WDFY4: variants seen among roughly 807,000 people sequenced by gnomAD.
The protein encoded by WDFY4 is WDFY family member 4.
A neutral mutation model predicts 351.9 loss-of-function variants in WDFY4; 169 were observed. The observed-to-expected ratio is 0.48, with a 90% CI of 0.42 to 0.55. The LOEUF (loss-of-function observed/expected upper bound fraction) is 0.55, where lower values mean the gene tolerates loss of function less well. Ranked by LOEUF, WDFY4 falls within the 20% of genes least tolerant of loss-of-function variation. The pLI is 0.00. For missense variants in WDFY4, 3,803 were observed against 3,935.6 expected (o/e 0.97, Z 0.90); for synonymous variants, 1,622 against 1,574.6 (o/e 1.03, Z -0.71).
intron 39 of WDFY4, among the ~76,000 whole-genome samples, chr10:48,860,769 A>G (rs1353515135): frequency 6.6e-6 from 1 of 152,144 alleles, no homozygotes; most frequent in Non-Finnish European, 1.5e-5. Context: ...ATTTATTTTG[A>G]GACTTCTTTT....
intron 9 of WDFY4, among the ~76,000 whole-genome samples, chr10:48,732,685 GT>G (rs1166488746): frequency 6.6e-6 from 1 of 152,238 alleles, no homozygotes; most frequent in Admixed American, 6.5e-5. Context: ...TCATTGGAAT[GT>G]TGTGAGATTT....
At chr10:48,699,680 A>C (rs918367478) in intron 1 of WDFY4, among the ~76,000 whole-genome samples, 1 of 152,166 alleles carries the variant, frequency 6.6e-6, no homozygotes, top group African/African-American at 2.4e-5. Flanking sequence ...CCTGCCACAC[A>C]CTAAGCTCCC....
chr10:48,764,850 A>G (rs2065618833), intron 13 of WDFY4, among the ~76,000 whole-genome samples: 1 of 152,246 alleles, frequency 6.6e-6, no homozygotes, highest in African/African-American at 2.4e-5. Flanking sequence ...GAAGATAGTA[A>G]AACAACATCC....
At position 48,938,272 on chromosome 10, in the gene WDFY4, A is replaced by G. The variant is rs1282354331; in HGVS notation, c.7587-3534A>G. Among the ~76,000 whole-genome samples the G allele has an allele frequency of 2.6e-5, 4 of 152,248 alleles. No homozygotes were observed. In the South Asian group the frequency reaches 8.3e-4, roughly 32 times the overall value. Reference sequence around the variant, plus strand: ...CTGCATTAGCTCGGGGTCCCAGGTTAACCTGCAGGCCCTCTGTAGTTGTCT... The same window carrying G: ...CTGCATTAGCTCGGGGTCCCAGGTTGACCTGCAGGCCCTCTGTAGTTGTCT... On this transcript the variant is annotated intron_variant, in intron 47 of 61. Coordinates refer to ENST00000325239, the MANE Select transcript of WDFY4 (RefSeq NM_001394531.1).
At chr10:48,836,850 A>G (rs555435382) in intron 39 of WDFY4, among the ~76,000 whole-genome samples, 2 of 152,244 alleles carry the variant, frequency 1.3e-5, no homozygotes, top group African/African-American at 2.4e-5. Context: ...CATGTCCACC[A>G]TCTGCCTGGA....
chr10:48,751,973 C>G (rs1319616189), intron 12 of WDFY4, among the ~76,000 whole-genome samples: 2 of 152,160 alleles, frequency 1.3e-5, no homozygotes, highest in African/African-American at 4.8e-5. Context: ...CGCCTCACAC[C>G]ACCACTGGCT....
At position 48,963,886 on chromosome 10, in the gene WDFY4, A is replaced by G; in HGVS notation, c.8268A>G (p.Ile2756Met). 2 of 1,551,544 alleles carry G rather than the reference A, an allele frequency of 1.3e-6. No individual in the cohort carries two copies. The highest frequency in any genetic ancestry group is 1.7e-6 in the Non-Finnish European group (2 of 1,147,004). ...TCAGTGCCAACCTCCACCATTGGATAGACCTTATTTTTGGGTACAAGCAGC... is the reference window on the plus strand; with the variant it reads ...TCAGTGCCAACCTCCACCATTGGATGGACCTTATTTTTGGGTACAAGCAGC... ...DFVSANLHHW[I>M]DLIFGYKQQG... Residue 2756 changes from isoleucine (I) to methionine (M), a missense_variant, in exon 54 of 62, where the codon ATA (isoleucine) becomes ATG (methionine). Coordinates refer to ENST00000325239, the MANE Select transcript of WDFY4 (RefSeq NM_001394531.1).
intron 12 of WDFY4, among the ~76,000 whole-genome samples, chr10:48,752,370 T>C (rs2065210177): frequency 1.3e-5 from 2 of 152,250 alleles, no homozygotes; most frequent in Non-Finnish European, 2.9e-5. Context: ...TCTTTTACTT[T>C]AAAAAAATCT....
intron 47 of WDFY4, 74 bp from the exon 48 acceptor site, chr10:48,941,732 C>A: frequency 1.3e-6 from 2 of 1,498,350 alleles, no homozygotes; most frequent in Non-Finnish European, 1.8e-6. Flanking sequence ...GAAGCCCAGG[C>A]AAGCCCCACC....
intron 19 of WDFY4, among the ~76,000 whole-genome samples, chr10:48,785,290 C>T (rs2066369546): frequency 6.6e-6 from 1 of 152,050 alleles, no homozygotes; most frequent in South Asian, 2.1e-4. Flanking sequence ...ATAATTCCTC[C>T]TAGTCTGTAG....
At chr10:48,809,529 G>T (rs1321593386) in intron 28 of WDFY4, among the ~76,000 whole-genome samples, 2 of 134,404 alleles carry the variant, frequency 1.5e-5, no homozygotes, top group Admixed American at 7.3e-5. Context: ...ATCACCACCA[G>T]CATCACCATC....
intron 2 of WDFY4, among the ~76,000 whole-genome samples, chr10:48,712,233 G>A (rs892675353): frequency 6.6e-6 from 1 of 152,234 alleles, no homozygotes; most frequent in African/African-American, 2.4e-5. Context: ...TATCCATAAA[G>A]TAGAATTAAT....
In WDFY4 at chr10:48,877,189, ATAAAGAAAAGG is replaced by A; in HGVS notation, c.7161_7167+4del. 6.4e-7 allele frequency: 1 copy of A among 1,551,578 alleles called. No homozygotes were observed. ...CAAGTTATTTTACAAGAGCTTCTTG[ATAAAGAAAAGG>A]TAATATACCCCATTGCAATAGCCTT... On this transcript the variant is annotated splice_donor_variant and coding_sequence_variant, in exon 43 of 62. Coordinates refer to ENST00000325239, the MANE Select transcript of WDFY4 (RefSeq NM_001394531.1). LOFTEE classifies it high-confidence loss of function.
chr10:48,829,520 A>T (rs1342381906), intron 37 of WDFY4, among the ~76,000 whole-genome samples: 1 of 152,160 alleles, frequency 6.6e-6, no homozygotes, highest in African/African-American at 2.4e-5. Context: ...TGGTTTGCAG[A>T]CTGTTACACT....
In WDFY4 at chr10:48,953,329, T is replaced by TCA. The variant is rs780484513; in HGVS notation, c.7978-3799_7978-3798insAC. On this transcript the variant is annotated intron_variant, in intron 51 of 61. Transcript: ENST00000325239. ...CTCTCTCTCTCTCTCTCTCTCTCTCTCTCTCACACACACACACACACACAC... is the reference window on the plus strand; with the variant it reads ...CTCTCTCTCTCTCTCTCTCTCTCTCTCACTCTCACACACACACACACACACAC... Among the ~76,000 whole-genome samples, 357 of 87,574 alleles carry TCA rather than the reference T, an allele frequency of 4.1e-3. 1 individual carries two copies. The highest frequency in any genetic ancestry group is 0.01 in the African/African-American group (282 of 27,644). 57.5% of individuals were successfully genotyped at this position (87,574 alleles called of 152,430 possible).
At position 48,742,088 on chromosome 10, in the gene WDFY4, C is replaced by A. The variant is rs11101448; in HGVS notation, c.1879-880C>A. Among the ~76,000 whole-genome samples, 77 of 151,794 alleles carry A rather than the reference C, an allele frequency of 5.1e-4. 1 individual carries two copies. Among genetic ancestry groups the A allele is most frequent in the African/African-American group, 1.8e-3 (74 of 41,382 alleles). On this transcript the variant is annotated intron_variant, in intron 11 of 61. Coordinates refer to ENST00000325239, the MANE Select transcript of WDFY4 (RefSeq NM_001394531.1). ...CCCTCCTTCCTTCCAATAGCATGTACTGATTACCTAGAGTATATACCATGC... is the reference window on the plus strand; with the variant it reads ...CCCTCCTTCCTTCCAATAGCATGTAATGATTACCTAGAGTATATACCATGC...
chr10:48,738,880 C>A (rs1051437898), intron 11 of WDFY4, among the ~76,000 whole-genome samples: 6 of 152,206 alleles, frequency 3.9e-5, no homozygotes, highest in African/African-American at 1.4e-4. Flanking sequence ...ACTCTGCATC[C>A]CTTCCCTGTG....
chr10:48,965,275 A>T (rs1564534602), intron 54 of WDFY4, among the ~76,000 whole-genome samples: 1 of 152,106 alleles, frequency 6.6e-6, no homozygotes, highest in East Asian at 1.9e-4. Flanking sequence ...CTACTCAACA[A>T]TGTGTCATAG....
chr10:48,963,672 G>A (rs887615077), intron 53 of WDFY4, among the ~76,000 whole-genome samples, 170 bp from the exon 54 acceptor site: 2 of 152,136 alleles, frequency 1.3e-5, no homozygotes, highest in South Asian at 4.1e-4. Context: ...GGTGGCCCTC[G>A]GGTGGCTGGC....
Sources: allele counts gnomAD v4.1 joint callset (sites outside exome capture counted in the v4.1 genomes callset), GRCh38; gene constraint gnomAD v4.1.1; transcripts MANE v1.5; gene names NCBI Gene and HGNC (gene_info 2026-07-23, HGNC 2026-07-21).